Variants in LPIN1 observed in about 807,000 individuals in gnomAD.
The protein encoded by LPIN1 is lipin 1, also known as phosphatidate phosphatase LPIN1.
Under a neutral mutation model 107.5 loss-of-function variants are expected in LPIN1, and 71 were observed. The observed-to-expected ratio is 0.66, with a 90% CI of 0.55 to 0.80. LPIN1 has a LOEUF of 0.80. Among genes scored for constraint, LPIN1 ranks in the 30% least tolerant of loss-of-function variants. The pLI, the probability that LPIN1 is intolerant of heterozygous loss-of-function variation, is 0.00. For missense variants in LPIN1, 1,043 were observed against 1,160.6 expected (o/e 0.90, Z 1.47); for synonymous variants, 445 against 452.6 (o/e 0.98, Z 0.21).
chr2:11,792,033 C>G, intron 13 of LPIN1, 27 bp downstream of exon 13: 1 of 1,593,168 alleles, frequency 6.3e-7, no homozygotes, highest in Non-Finnish European at 8.6e-7. Context: ...AAGCAGTGCT[C>G]ACACTTAGCA....
At position 11,824,774 on chromosome 2, in the gene LPIN1, C is replaced by G; in HGVS notation, c.2764C>G (p.His922Asp). ...GCCACCTTTTGAAAACCAGGACATT[C>G]ATTCTGCCTCAGCGTAAAATGTCCC... ...PLPPFENQDI[H>D]SASA The change falls in exon 21 of 21, where the codon CAT becomes GAT. Residue 922 changes from histidine to aspartate, a missense_variant. Transcript: ENST00000674199. 1 of 1,614,226 alleles carries G rather than the reference C, an allele frequency of 6.2e-7. No homozygotes were observed. Among genetic ancestry groups the G allele is most frequent in the South Asian group, 1.1e-5 (1 of 91,084 alleles).
chr2:11,767,680 C>G (rs1671142612), intron 2 of LPIN1, 83 bp from the exon 3 acceptor site: 3 of 833,802 alleles, frequency 3.6e-6, no homozygotes, highest in Admixed American at 1.7e-5. Context: ...GATAGCGTAT[C>G]TGTGGAGACT....
intron 1 of LPIN1, among the ~76,000 whole-genome samples, chr2:11,704,047 C>G (rs1663011839): frequency 6.6e-6 from 1 of 152,210 alleles, no homozygotes. Flanking sequence ...GCACACAAAG[C>G]CTCTCAGGCT....
chr2:11,733,411 C>T (rs1207149611), intron 1 of LPIN1, among the ~76,000 whole-genome samples: 1 of 152,106 alleles, frequency 6.6e-6, no homozygotes, highest in Non-Finnish European at 1.5e-5. Flanking sequence ...TTGGCCTACA[C>T]AATCATGCAT....
intron 4 of LPIN1, among the ~76,000 whole-genome samples, chr2:11,772,750 T>A (rs1672060350): frequency 6.6e-6 from 1 of 152,242 alleles, no homozygotes; most frequent in Non-Finnish European, 1.5e-5. Flanking sequence ...TTTTGAAGGA[T>A]ATTTGATGTT....
chr2:11,814,516 G>GCA (rs1239464542), intron 17 of LPIN1, among the ~76,000 whole-genome samples: 1 of 137,120 alleles, frequency 7.3e-6, no homozygotes, highest in Non-Finnish European at 1.6e-5. Context: ...GTGTGCATGT[G>GCA]TGTGTGTGTG....
At chr2:11,783,228 T>C (rs1673869178) in intron 8 of LPIN1, among the ~76,000 whole-genome samples, 1 of 152,260 alleles carries the variant, frequency 6.6e-6, no homozygotes, top group Non-Finnish European at 1.5e-5. Flanking sequence ...TGTCTGACAA[T>C]GCACAGTGTG....
intron 20 of LPIN1, among the ~76,000 whole-genome samples, chr2:11,824,351 G>A (rs952253625): frequency 1.9e-4 from 29 of 151,230 alleles, no homozygotes; most frequent in African/African-American, 5.8e-4. Flanking sequence ...TCCTCCTGCC[G>A]TCTTTTGCTT....
In LPIN1 at chr2:11,767,859, G is replaced by A; in HGVS notation, c.288+1G>A. On this transcript the variant is annotated splice_donor_variant, in intron 3 of 20. Transcript: ENST00000674199. LOFTEE classifies it high-confidence loss of function. ...TGTTCAAGAAACAGATAATGATCAG[G>A]TAAGGAAGCCTGGGTGGTCAGGGTT... The A allele has an allele frequency of 6.3e-7, 1 of 1,592,514 alleles. No homozygotes were observed. Among genetic ancestry groups the A allele is most frequent in the African/African-American group, 1.3e-5 (1 of 74,656 alleles).
At chr2:11,704,032 A>T (rs1365910161) in intron 1 of LPIN1, among the ~76,000 whole-genome samples, 1 of 152,188 alleles carries the variant, frequency 6.6e-6, no homozygotes, top group Non-Finnish European at 1.5e-5. Flanking sequence ...CATTGACAGG[A>T]TTCAGCACAC....
intron 13 of LPIN1, among the ~76,000 whole-genome samples, chr2:11,794,332 A>C (rs1266284515): frequency 1.3e-5 from 2 of 152,234 alleles, no homozygotes; most frequent in Non-Finnish European, 2.9e-5. Flanking sequence ...TGCCGCTATA[A>C]AGTAAGGAAC....
intron 1 of LPIN1, among the ~76,000 whole-genome samples, chr2:11,760,299 CA>C (rs1414082425): frequency 6.6e-6 from 1 of 152,258 alleles, no homozygotes; most frequent in Non-Finnish European, 1.5e-5. Context: ...GCAGAGGCTG[CA>C]ATCTCGGCAC....
In LPIN1 at chr2:11,707,218, A is replaced by T. The variant is rs958633241; in HGVS notation, c.82-6538A>T. 1.3e-5 allele frequency among the ~76,000 whole-genome samples: 2 copies of T among 152,238 alleles called. No individual in the cohort carries two copies. Among genetic ancestry groups the T allele is most frequent in the Non-Finnish European group, 2.9e-5 (2 of 68,050 alleles). On this transcript the variant is annotated intron_variant, in intron 1 of 21. Transcript: ENST00000449576. The surrounding 1 kb of genome is among the most constrained non-coding windows in gnomAD (Gnocchi z 4.2). ...CTGATAAAGTGCTAAGAAGAAAAAG[A>T]CAGCAGGGTAAGGAGACGGGGGATG...
chr2:11,791,362 C>T (rs1675689193), intron 12 of LPIN1, among the ~76,000 whole-genome samples: 1 of 152,144 alleles, frequency 6.6e-6, no homozygotes, highest in Non-Finnish European at 1.5e-5. Context: ...TTAATCTCCC[C>T]ATTAAACCCA....
Position 11,785,045 on chromosome 2 carries a change from G to T in LPIN1, c.1518G>T (p.Gly506=), listed in dbSNP as rs745979878. ...CTTCCATCGCCATCTCCCTCTGCGG[G>T]GGCCTCAGCGACCACCGGGAGATCA... ...DLPSIAISLC[G]GLSDHREITK... The change falls in exon 10 of 21, where the codon GGG becomes GGT. Residue 506 remains glycine, a synonymous_variant. Transcript: ENST00000674199. 2.6e-6 allele frequency: 4 copies of T among 1,548,888 alleles called. No homozygotes were observed. The highest frequency in any genetic ancestry group is 3.5e-6 in the Non-Finnish European group (4 of 1,145,082).
intron 14 of LPIN1, among the ~76,000 whole-genome samples, chr2:11,800,272 G>A (rs1363747009): frequency 6.6e-6 from 1 of 152,204 alleles, no homozygotes; most frequent in African/African-American, 2.4e-5. Flanking sequence ...GCTTAGGGAG[G>A]GGCTGCTCAT....
At chr2:11,781,705 G>T (rs141292195) in intron 7 of LPIN1, among the ~76,000 whole-genome samples, 2 of 152,208 alleles carry the variant, frequency 1.3e-5, no homozygotes, top group Non-Finnish European at 2.9e-5. Flanking sequence ...GAACAGATCT[G>T]TGCAGCGTGC....
chr2:11,819,661 C>A, intron 19 of LPIN1, 63 bp downstream of exon 19: 1 of 1,176,224 alleles, frequency 8.5e-7, no homozygotes, highest in Non-Finnish European at 1.3e-6. Flanking sequence ...TTGCTGTCAT[C>A]TGAAAGCCCT....
intron 1 of LPIN1, among the ~76,000 whole-genome samples, chr2:11,701,044 T>C (rs940496455): frequency 1.3e-5 from 2 of 152,192 alleles, no homozygotes; most frequent in Admixed American, 6.5e-5. Context: ...CACTCTGTGT[T>C]CTGGTGTCCT....
Sources: gnomAD v4.1 joint callset for allele counts (sites outside exome capture counted in the v4.1 genomes callset) on GRCh38, gnomAD v4.1.1 for gene constraint, Gnocchi (gnomAD v3.1) non-coding constraint, MANE v1.5 for transcripts, NCBI Gene and HGNC (gene_info 2026-07-23, HGNC 2026-07-21) for gene names.